The following CCDC50 variants were observed in gnomAD, a reference collection of about 807,000 sequenced individuals.
The protein encoded by CCDC50 is coiled-coil domain-containing protein 50.
In CCDC50, 54 loss-of-function variants were observed where a neutral mutation model predicts 70.2. The observed-to-expected ratio is 0.77, with a 90% CI of 0.62 to 0.96. CCDC50 has a LOEUF of 0.96. Among genes scored for constraint, CCDC50 ranks in the 50% least tolerant of loss-of-function variants. The pLI is 0.00. For missense variants in CCDC50, 558 were observed against 578.7 expected, an observed-to-expected ratio of 0.96 and a Z score of 0.37; for synonymous variants, 216 against 198.8, an observed-to-expected ratio of 1.09 and a Z score of -0.73.
chr3:191,358,170 C>T (rs368349858), intron 3 of CCDC50, 46 bp downstream of exon 3: 7 of 1,611,602 alleles, frequency 4.3e-6, no homozygotes, highest in Non-Finnish European at 5.9e-6. Flanking sequence ...CTGGTTTTCT[C>T]TGTGGAGCTA....
chr3:191,381,539 A>G (rs1263080010), intron 9 of CCDC50, among the ~76,000 whole-genome samples: 1 of 152,198 alleles, frequency 6.6e-6, no homozygotes, highest in Non-Finnish European at 1.5e-5. Flanking sequence ...TGTGAGTTCC[A>G]GCTTAGCAGA....
In CCDC50 at chr3:191,397,989, G is replaced by T. The variant is rs532079630; in HGVS notation, c.*6229G>T. On this transcript the variant is annotated 3_prime_UTR_variant, in exon 12 of 12. Transcript: ENST00000392455. ...GATGCCTTAAAGATGACCAGTGGTG[G>T]GTTCTGATGGGAATATATACACTCA... 1 of 152,210 alleles carries T rather than the reference G, an allele frequency of 6.6e-6. No individual in the cohort carries two copies. The highest frequency in any genetic ancestry group is 2.4e-5 in the African/African-American group (1 of 41,440). 9.4% of individuals were successfully genotyped at this position (152,210 alleles called of 1,614,324 possible).
chr3:191,337,517 G>A (rs1211906338), intron 1 of CCDC50, among the ~76,000 whole-genome samples: 1 of 151,776 alleles, frequency 6.6e-6, no homozygotes, highest in Non-Finnish European at 1.5e-5. Context: ...GCTAATTTTT[G>A]TATTTTTAGT....
At chr3:191,332,196 A>T (rs1718012476) in intron 1 of CCDC50, among the ~76,000 whole-genome samples, 1 of 152,148 alleles carries the variant, frequency 6.6e-6, no homozygotes. Context: ...GGGTAAGGGG[A>T]TATTTAAAAA....
At chr3:191,379,469 G>C (rs888388326) in intron 6 of CCDC50, among the ~76,000 whole-genome samples, 2 of 152,052 alleles carry the variant, frequency 1.3e-5, no homozygotes, top group Non-Finnish European at 2.9e-5. Context: ...AAAGTTTAAA[G>C]CCAGAATTGC....
intron 1 of CCDC50, among the ~76,000 whole-genome samples, chr3:191,337,015 G>A (rs1250093413): frequency 6.6e-6 from 1 of 152,106 alleles, no homozygotes; most frequent in African/African-American, 2.4e-5. Flanking sequence ...AAATTTCAGT[G>A]TCTGTAAGTA....
At chr3:191,356,578 A>T (rs1342869896) in intron 1 of CCDC50, among the ~76,000 whole-genome samples, 1 of 152,230 alleles carries the variant, frequency 6.6e-6, no homozygotes, top group East Asian at 1.9e-4. Context: ...TACCTGAGGG[A>T]CTAGTGAAAA....
At chr3:191,366,081 G>T (rs1712677371) in intron 4 of CCDC50, among the ~76,000 whole-genome samples, 1 of 152,080 alleles carries the variant, frequency 6.6e-6, no homozygotes, top group Non-Finnish European at 1.5e-5. Flanking sequence ...GATGTGTGGG[G>T]ATCCTCTGGG....
chr3:191,374,840 T>C (rs923317057), intron 5 of CCDC50, among the ~76,000 whole-genome samples: 2 of 152,214 alleles, frequency 1.3e-5, no homozygotes, highest in Non-Finnish European at 2.9e-5. Context: ...TGTTTCACTT[T>C]AGTTTCTTAC....
intron 1 of CCDC50, 72 bp downstream of exon 1, chr3:191,329,795 G>C (rs930051506): frequency 1.3e-6 from 2 of 1,524,276 alleles, no homozygotes; most frequent in African/African-American, 1.4e-5. Flanking sequence ...GGTCAGGGGC[G>C]TTGCCATTTC....
At chr3:191,367,125 G>A (rs1423830080) in intron 4 of CCDC50, among the ~76,000 whole-genome samples, 2 of 152,040 alleles carry the variant, frequency 1.3e-5, no homozygotes, top group Non-Finnish European at 2.9e-5. Context: ...AGAGCTGAGA[G>A]CTTAGAAGAG....
chr3:191,376,330 AG>A (rs1713112226), intron 6 of CCDC50, among the ~76,000 whole-genome samples: 1 of 152,190 alleles, frequency 6.6e-6, no homozygotes. Context: ...GTACCAATAC[AG>A]GTAAGTTCTT....
Position 191,329,641 on chromosome 3 carries a change from C to T in CCDC50, c.-34C>T, listed in dbSNP as rs1406640111. 1 of 1,597,094 alleles carries T rather than the reference C, an allele frequency of 6.3e-7. No individual in the cohort carries two copies. Among genetic ancestry groups the T allele is most frequent in the Admixed American group, 1.7e-5 (1 of 57,794 alleles). On this transcript the variant is annotated 5_prime_UTR_variant, in exon 1 of 12. Coordinates refer to ENST00000392455, the MANE Select transcript of CCDC50 (RefSeq NM_178335.3). ...CGGCGCCGGCGGTGACCGGGAAGCC[C>T]GCGTTAAAGGGGCAACCGGGACCCT...
At position 191,392,570 on chromosome 3, in the gene CCDC50, A is replaced by G. The variant is rs1412155196; in HGVS notation, c.*810A>G. On this transcript the variant is annotated 3_prime_UTR_variant, in exon 12 of 12. Transcript: ENST00000392455. ...AGATGATTGCATAAGTAATGATGCC[A>G]TCCTTCTCTCTGGCTGTAGACTGAG... 6.6e-6 allele frequency: 1 copy of G among 152,224 alleles called. No homozygotes were observed. Among genetic ancestry groups the G allele is most frequent in the Non-Finnish European group, 1.5e-5 (1 of 68,040 alleles). 9.4% of individuals were successfully genotyped at this position (152,224 alleles called of 1,614,324 possible). A position where few individuals can be genotyped will look rare whatever the true frequency, so the allele number is the denominator to read the frequency against.
chr3:191,361,702 T>C (rs1365391619), intron 4 of CCDC50, among the ~76,000 whole-genome samples: 1 of 152,232 alleles, frequency 6.6e-6, no homozygotes, highest in Non-Finnish European at 1.5e-5. Flanking sequence ...TAATCCAGTA[T>C]GACCTCAGCT....
intron 5 of CCDC50, among the ~76,000 whole-genome samples, chr3:191,372,854 C>G (rs1358118922): frequency 6.6e-6 from 1 of 151,948 alleles, no homozygotes; most frequent in Non-Finnish European, 1.5e-5. Flanking sequence ...CTGTCCCCTC[C>G]TAAGAACAAT....
intron 1 of CCDC50, among the ~76,000 whole-genome samples, chr3:191,338,000 C>T (rs1484484844): frequency 2.0e-5 from 3 of 152,108 alleles, no homozygotes; most frequent in East Asian, 1.9e-4. Flanking sequence ...TACAGCTCCT[C>T]AGTGACCAAA....
chr3:191,380,968 A>G (rs2108668979), intron 9 of CCDC50, 36 bp downstream of exon 9: 3 of 1,529,028 alleles, frequency 2.0e-6, no homozygotes, highest in African/African-American at 1.4e-5. Context: ...AATTAGAAAT[A>G]AAATTAGAAA....
At chr3:191,349,269 T>C (rs1712026174) in intron 1 of CCDC50, among the ~76,000 whole-genome samples, 1 of 142,660 alleles carries the variant, frequency 7.0e-6, no homozygotes, top group African/African-American at 2.5e-5. Context: ...ATTAGAACTT[T>C]TAATAAAGAG....
Sources: gnomAD v4.1 joint callset for allele counts (sites outside exome capture counted in the v4.1 genomes callset) on GRCh38, gnomAD v4.1.1 for gene constraint, MANE v1.5 for transcripts, NCBI Gene and HGNC (gene_info 2026-07-23, HGNC 2026-07-21) for gene names.